PIP5K1B: variants seen among roughly 807,000 people sequenced by gnomAD.
PIP5K1B encodes the protein phosphatidylinositol-4-phosphate 5-kinase type 1 beta, also known as phosphatidylinositol 4-phosphate 5-kinase type-1 beta.
In PIP5K1B, 42 loss-of-function variants were observed where a neutral mutation model predicts 67.0. The ratio of observed to expected loss-of-function variants is 0.63; its 90% CI spans 0.49 to 0.81. PIP5K1B has a LOEUF of 0.81. Among genes scored for constraint, PIP5K1B ranks in the 30% least tolerant of loss-of-function variants. The pLI is 0.00. For synonymous variants in PIP5K1B, 214 were observed against 231.4 expected (o/e 0.92, Z 0.68); for missense variants, 459 against 646.3 (o/e 0.71, Z 3.14).
chr9:68,791,108 C>T (rs1451748125), intron 2 of PIP5K1B, among the ~76,000 whole-genome samples: 2 of 152,172 alleles, frequency 1.3e-5, no homozygotes, highest in South Asian at 4.1e-4. Flanking sequence ...CCAAACTAAC[C>T]TCTTAAGGCT....
chr9:68,961,256 A>G lies in PIP5K1B; in HGVS notation c.1502+20466A>G, dbSNP rs11144528. Among the ~76,000 whole-genome samples the G allele has an allele frequency of 9.5e-3, 1,438 of 151,730 alleles. 25 individuals carry two copies. The highest frequency in any genetic ancestry group is 0.033 in the African/African-American group (1,371 of 41,366). On this transcript the variant is annotated intron_variant, in intron 14 of 15. Coordinates refer to ENST00000265382, the MANE Select transcript of PIP5K1B (RefSeq NM_003558.4). ...AAAGCGTGTCACCACAAATCTATCA[A>G]GACAGAAAGTAAGTTAGCAGTTACC... is the stretch of plus-strand genomic sequence containing the variant.
Position 68,799,090 on chromosome 9 carries a change from A to G in PIP5K1B, c.-85-19371A>G, listed in dbSNP as rs1832449399. 2.0e-5 allele frequency among the ~76,000 whole-genome samples: 3 copies of G among 152,238 alleles called. No homozygotes were observed. In the South Asian group the frequency reaches 6.2e-4, roughly 31 times the overall value. On this transcript the variant is annotated intron_variant, in intron 2 of 15. Coordinates refer to ENST00000265382, the MANE Select transcript of PIP5K1B (RefSeq NM_003558.4). ...TGAGTTTTGTTTAGGACCTATCTCT[A>G]ATATGTTTTTGAGGATTCTAAAGGG...
Position 68,863,983 on chromosome 9 carries a change from T to C in PIP5K1B, c.200+16T>C. The C allele has an allele frequency of 6.2e-7, 1 of 1,612,192 alleles. No individual in the cohort carries two copies. The highest frequency in any genetic ancestry group is 1.1e-5 in the South Asian group (1 of 90,826). On this transcript the variant is annotated intron_variant, in intron 5 of 15. Coordinates refer to ENST00000265382, the MANE Select transcript of PIP5K1B (RefSeq NM_003558.4). Reference sequence around the variant, plus strand: ...TCCTACCCAGGTAAGAACATTTTTATTTGTGATGATTTCCATGCTAAGGAA... The same window carrying C: ...TCCTACCCAGGTAAGAACATTTTTACTTGTGATGATTTCCATGCTAAGGAA...
chr9:68,805,028 C>A (rs1832793507), intron 2 of PIP5K1B, among the ~76,000 whole-genome samples: 1 of 152,314 alleles, frequency 6.6e-6, no homozygotes, highest in East Asian at 1.9e-4. Context: ...GCTGTGAGGG[C>A]ACAGCAGATG....
intron 9 of PIP5K1B, 123 bp downstream of exon 9, chr9:68,917,882 A>G: frequency 1.4e-6 from 1 of 697,386 alleles, no homozygotes; most frequent in Non-Finnish European, 2.4e-6. Context: ...TTGGTGCTAA[A>G]ATGGGTTAAA....
intron 14 of PIP5K1B, among the ~76,000 whole-genome samples, chr9:68,977,610 A>AT (rs1239156201): frequency 1.4e-5 from 2 of 142,818 alleles, no homozygotes; most frequent in Non-Finnish European, 1.5e-5. Flanking sequence ...TTGGTGGCGT[A>AT]TTTTTTTGCA....
chr9:68,940,833 C>G, intron 14 of PIP5K1B, 43 bp downstream of exon 14: 1 of 1,574,464 alleles, frequency 6.4e-7, no homozygotes, highest in African/African-American at 1.3e-5. Context: ...GCTGTTACCA[C>G]ATCAACATCA....
intron 2 of PIP5K1B, among the ~76,000 whole-genome samples, chr9:68,775,016 C>T (rs1210694593): frequency 6.6e-6 from 1 of 152,170 alleles, no homozygotes; most frequent in Non-Finnish European, 1.5e-5. Flanking sequence ...AACCTATTAC[C>T]AAGTCGGTGT....
At chr9:69,002,060 T>C (rs1180918914) in intron 15 of PIP5K1B, among the ~76,000 whole-genome samples, 1 of 152,242 alleles carries the variant, frequency 6.6e-6, no homozygotes, top group Non-Finnish European at 1.5e-5. Flanking sequence ...ATGGCTCATC[T>C]ACCTGCTGCT....
chr9:68,759,292 G>A (rs1830079112), intron 2 of PIP5K1B, among the ~76,000 whole-genome samples: 1 of 152,112 alleles, frequency 6.6e-6, no homozygotes, highest in Admixed American at 6.6e-5. Flanking sequence ...TGTAATATAT[G>A]ACAACTATAG....
intron 2 of PIP5K1B, among the ~76,000 whole-genome samples, chr9:68,808,575 G>A (rs181051920): frequency 2.0e-5 from 3 of 152,316 alleles, no homozygotes; most frequent in African/African-American, 4.8e-5. Flanking sequence ...TTTCACTGGC[G>A]ACTTTCTTCT....
chr9:68,807,571 G>C lies in PIP5K1B; in HGVS notation c.-85-10890G>C, dbSNP rs113862592. Among the ~76,000 whole-genome samples the C allele has an allele frequency of 3.9e-5, 6 of 152,314 alleles. 1 individual carries two copies. The highest frequency in any genetic ancestry group is 1.4e-4 in the African/African-American group (6 of 41,572). Reference sequence around the variant, plus strand: ...TGTATTTGGGGCATATAGGGGATCTGTGTGGCTTTGGTTTCTCAATAGAAA... The same window carrying C: ...TGTATTTGGGGCATATAGGGGATCTCTGTGGCTTTGGTTTCTCAATAGAAA... On this transcript the variant is annotated intron_variant, in intron 2 of 15. Transcript: ENST00000265382.
At chr9:68,991,653 G>A (rs1830370433) in intron 15 of PIP5K1B, among the ~76,000 whole-genome samples, 1 of 152,198 alleles carries the variant, frequency 6.6e-6, no homozygotes. Context: ...CTGGGTCATG[G>A]GAAGAACCCA....
intron 4 of PIP5K1B, among the ~76,000 whole-genome samples, chr9:68,828,743 A>G (rs1304803280): frequency 1.3e-5 from 2 of 152,214 alleles, no homozygotes; most frequent in South Asian, 4.1e-4. Context: ...AGAACCGGGT[A>G]GTAGGGTCCT....
chr9:68,899,578 G>A (rs1825262205), intron 8 of PIP5K1B, among the ~76,000 whole-genome samples: 1 of 152,186 alleles, frequency 6.6e-6, no homozygotes. Context: ...TCACTGCAAT[G>A]CCTGCCAAAA....
chr9:68,974,599 A>G (rs569052028), intron 14 of PIP5K1B, among the ~76,000 whole-genome samples: 4 of 152,360 alleles, frequency 2.6e-5, no homozygotes, highest in Admixed American at 2.6e-4. Context: ...AGCAGAGACC[A>G]GTAGCTTCTG....
At chr9:69,008,366 A>C (rs1831181782) in intron 15 of PIP5K1B, 81 bp from the exon 16 acceptor site, 1 of 1,269,038 alleles carries the variant, frequency 7.9e-7, no homozygotes, top group South Asian at 1.2e-5. Flanking sequence ...AGAAATAACG[A>C]ACTTATGTTG....
At chr9:68,815,491 C>T (rs1489319787) in intron 2 of PIP5K1B, among the ~76,000 whole-genome samples, 1 of 151,654 alleles carries the variant, frequency 6.6e-6, no homozygotes, top group Non-Finnish European at 1.5e-5. Flanking sequence ...GCCCAGATCC[C>T]GGAAGGATTA....
intron 5 of PIP5K1B, 45 bp downstream of exon 5, chr9:68,864,012 T>G (rs1823239019): frequency 6.3e-7 from 1 of 1,590,234 alleles, no homozygotes; most frequent in Non-Finnish European, 8.6e-7. Context: ...TAAGGAACCT[T>G]CTTTGTGACA....
Sources: gnomAD v4.1 joint callset for allele counts (sites outside exome capture counted in the v4.1 genomes callset) on GRCh38, gnomAD v4.1.1 for gene constraint, MANE v1.5 for transcripts, NCBI Gene and HGNC (gene_info 2026-07-23, HGNC 2026-07-21) for gene names.